Variants in PDE2A observed in about 807,000 individuals in gnomAD.
PDE2A encodes phosphodiesterase 2A, also known as cGMP-dependent 3',5'-cyclic phosphodiesterase.
In PDE2A, 53 loss-of-function variants were observed where a neutral mutation model predicts 133.6. That is an observed-to-expected ratio of 0.40 (90% CI 0.32 to 0.50). The LOEUF is 0.50. PDE2A is among the 20% of genes least tolerant of loss of function. The pLI is 0.73. For missense variants in PDE2A, 796 were observed against 1,232.4 expected, an observed-to-expected ratio of 0.65 and a Z score of 5.30; for synonymous variants, 491 against 490.2, an observed-to-expected ratio of 1.00 and a Z score of -0.02.
At chr11:72,648,288 A>G (rs1420073766) in intron 1 of PDE2A, among the ~76,000 whole-genome samples, 4 of 152,036 alleles carry the variant, frequency 2.6e-5, no homozygotes, top group Admixed American at 2.0e-4. Context: ...CCACCTCAGC[A>G]CCTGCCAGAG....
chr11:72,646,050 G>A (rs1390336628), intron 1 of PDE2A, among the ~76,000 whole-genome samples: 2 of 152,194 alleles, frequency 1.3e-5, no homozygotes, highest in African/African-American at 4.8e-5. Flanking sequence ...AGAATGCAGT[G>A]GCTGAGGGTC....
chr11:72,609,554 C>G (rs1372184919), intron 2 of PDE2A, among the ~76,000 whole-genome samples: 1 of 152,192 alleles, frequency 6.6e-6, no homozygotes, highest in Non-Finnish European at 1.5e-5. Context: ...GCCTTCCCAT[C>G]CCAGGAACAG....
chr11:72,619,348 G>A (rs1008519108), intron 2 of PDE2A, among the ~76,000 whole-genome samples: 1 of 152,194 alleles, frequency 6.6e-6, no homozygotes, highest in South Asian at 2.1e-4. Flanking sequence ...GGGGACCTAA[G>A]CATGTGTGCA....
At chr11:72,653,567 G>A (rs7115561) in intron 1 of PDE2A, among the ~76,000 whole-genome samples, 7,149 of 152,198 alleles carry the variant, frequency 0.047, 570 homozygotes, top group African/African-American at 0.16. Context: ...GAGGAGATAA[G>A]CCTGAGGCAG....
chr11:72,601,739 G>A (rs1454974271), intron 4 of PDE2A, among the ~76,000 whole-genome samples: 1 of 152,180 alleles, frequency 6.6e-6, no homozygotes, highest in Non-Finnish European at 1.5e-5. Flanking sequence ...GCACCAACAA[G>A]AGGGAAGTGA....
rs1591005046 is a variant in PDE2A at position 72,577,612 on chromosome 11, G to C, written c.2616-18C>G. 2 of 1,581,064 alleles carry C rather than the reference G, an allele frequency of 1.3e-6. No individual in the cohort carries two copies. The highest frequency in any genetic ancestry group is 1.7e-6 in the Non-Finnish European group (2 of 1,165,246). Reference sequence around the variant, plus strand: ...GCAACAGCCTGCGGGTGCATGGGGGGCAGAGGGCGAGAGGCCAGAAATCAG... The same window carrying C: ...GCAACAGCCTGCGGGTGCATGGGGGCCAGAGGGCGAGAGGCCAGAAATCAG... On this transcript the variant is annotated intron_variant, in intron 30 of 30. Coordinates refer to ENST00000334456, the MANE Select transcript of PDE2A (RefSeq NM_002599.5).
Position 72,578,953 on chromosome 11 carries a change from T to A in PDE2A, c.2413A>T (p.Thr805Ser). Residue 805 changes from threonine (T) to serine (S), a missense_variant, in exon 28 of 31, where the codon ACC (threonine) becomes TCC (serine). Coordinates refer to ENST00000334456, the MANE Select transcript of PDE2A (RefSeq NM_002599.5). This position sits in a 1 kb window ranked among gnomAD's most constrained non-coding sequence, Gnocchi z 4.2. ...GTCTGGTCAGAGAGGTCACAGGAGGTCATGAGGAGGCAGAGGAGAAGTCTG... is the reference window on the plus strand; with the variant it reads ...GTCTGGTCAGAGAGGTCACAGGAGGACATGAGGAGGCAGAGGAGAAGTCTG... ...HHRLLLCLLMTSCDLSDQTKG... is the reference protein window; with the variant it reads ...HHRLLLCLLMSSCDLSDQTKG... 6.2e-7 allele frequency: 1 copy of A among 1,613,856 alleles called. No individual in the cohort carries two copies. The highest frequency in any genetic ancestry group is 8.5e-7 in the Non-Finnish European group (1 of 1,179,826).
At chr11:72,613,024 A>G (rs1353472976) in intron 2 of PDE2A, among the ~76,000 whole-genome samples, 3 of 152,200 alleles carry the variant, frequency 2.0e-5, no homozygotes, top group Non-Finnish European at 2.9e-5. Flanking sequence ...CTATGAAACC[A>G]GAGACCTTGG....
chr11:72,607,771 G>C (rs1857038198), intron 3 of PDE2A, among the ~76,000 whole-genome samples: 2 of 152,166 alleles, frequency 1.3e-5, no homozygotes, highest in South Asian at 4.1e-4. Context: ...TCCTGGAGCA[G>C]AGGCTGCCCT....
intron 1 of PDE2A, among the ~76,000 whole-genome samples, chr11:72,653,773 G>A (rs1192285846): frequency 6.6e-6 from 1 of 152,196 alleles, no homozygotes; most frequent in East Asian, 1.9e-4. Context: ...GTGGCATGGG[G>A]GTCACCCCCC....
In PDE2A at chr11:72,668,929, T is replaced by A. The variant is rs147669262; in HGVS notation, c.71+5208A>T. The stretch of plus-strand genomic sequence containing the variant: ...GATGACAGCCCTGAGCTCCTAGCTC[T>A]GGTCTCTCCCTCTCCAGGCCCCGCT... On this transcript the variant is annotated intron_variant, in intron 1 of 30. Coordinates refer to ENST00000334456, the MANE Select transcript of PDE2A (RefSeq NM_002599.5). 3 of 1,020,712 alleles carry A rather than the reference T, an allele frequency of 2.9e-6. No homozygotes were observed. The Admixed American group carries it at 1.5e-4, about 52-fold the overall frequency. 63.2% of individuals were successfully genotyped at this position (1,020,712 alleles called of 1,614,324 possible). A position where few individuals can be genotyped will look rare whatever the true frequency, so the allele number is the denominator to read the frequency against.
intron 1 of PDE2A, chr11:72,652,629 G>A: frequency 2.2e-6 from 1 of 456,298 alleles, no homozygotes; most frequent in South Asian, 1.5e-5. Context: ...CTAAGTGCCA[G>A]ATCTATTCTC....
At position 72,577,428 on chromosome 11, in the gene PDE2A, T is replaced by C. The variant is rs1180389484; in HGVS notation, c.2782A>G (p.Thr928Ala). 6.2e-7 allele frequency: 1 copy of C among 1,613,962 alleles called. No homozygotes were observed. Among genetic ancestry groups the C allele is most frequent in the Admixed American group, 1.7e-5 (1 of 60,024 alleles). The change falls in exon 31 of 31, where the codon ACT becomes GCT. Residue 928 changes from threonine to alanine, a missense_variant. By Grantham distance (58) the Thr-to-Ala change is moderately conservative. Around this residue, in one of 7 missense-constraint regions of PDE2A, gnomAD observed 83 missense variants for 99.0 expected, o/e 0.84. Transcript: ENST00000334456. ...EEYEVPDLDG[T>A]RAPINGCCSL... ...CAGCAGCCATTGATGGGGGCCCTAG[T>C]GCCATCCAGATCAGGCACCTCGTAC...
intron 6 of PDE2A, among the ~76,000 whole-genome samples, chr11:72,595,697 T>C (rs1378636539): frequency 1.3e-5 from 2 of 152,130 alleles, no homozygotes; most frequent in Non-Finnish European, 2.9e-5. Context: ...TGCCCTTTAC[T>C]GGAATGGCAG....
chr11:72,660,311 T>G (rs1473804948), intron 1 of PDE2A, among the ~76,000 whole-genome samples: 2 of 151,988 alleles, frequency 1.3e-5, no homozygotes, highest in African/African-American at 4.8e-5. Context: ...GTAACAGCTG[T>G]GCAGAACTGG....
At chr11:72,588,622 C>A (rs1433335949) in intron 13 of PDE2A, among the ~76,000 whole-genome samples, 162 bp downstream of exon 13, 1 of 152,212 alleles carries the variant, frequency 6.6e-6, no homozygotes, top group Non-Finnish European at 1.5e-5. Flanking sequence ...CTAGCTTGGA[C>A]CTCAACATGA....
intron 2 of PDE2A, among the ~76,000 whole-genome samples, chr11:72,619,284 A>G (rs185458852): frequency 2.0e-5 from 3 of 152,326 alleles, no homozygotes; most frequent in Admixed American, 2.0e-4. Context: ...AATTCTGGAT[A>G]CACTCATCAG....
chr11:72,608,969 GA>G (rs1857089236), intron 2 of PDE2A, among the ~76,000 whole-genome samples: 1 of 152,232 alleles, frequency 6.6e-6, no homozygotes, highest in South Asian at 2.1e-4. Context: ...GAGGCGCAGA[GA>G]AGGGCCAGGG....
intron 2 of PDE2A, among the ~76,000 whole-genome samples, chr11:72,614,661 C>T (rs1374538222): frequency 1.3e-5 from 2 of 152,194 alleles, no homozygotes; most frequent in East Asian, 3.9e-4. Flanking sequence ...GGGGACCACA[C>T]CTCGAGACCC....
Sources: gnomAD v4.1 joint callset for allele counts (sites outside exome capture counted in the v4.1 genomes callset) on GRCh38, gnomAD v4.1.1 for gene constraint, gnomAD v4.1.1 regional missense constraint, Gnocchi (gnomAD v3.1) non-coding constraint, MANE v1.5 for transcripts, NCBI Gene and HGNC (gene_info 2026-07-23, HGNC 2026-07-21) for gene names.